CENPH: variants seen among roughly 807,000 people sequenced by gnomAD.
CENPH encodes the protein CENP-H.
CENPH carries 40 observed loss-of-function variants against 42.9 expected under a neutral mutation model. The ratio of observed to expected loss-of-function variants is 0.93; its 90% CI spans 0.72 to 1.21. CENPH has a LOEUF of 1.21. Among genes scored for constraint, CENPH ranks in the 50% most tolerant of loss-of-function variants. CENPH has a pLI of 0.00. For missense variants in CENPH, 302 were observed against 292.9 expected, an observed-to-expected ratio of 1.03 and a Z score of -0.23; for synonymous variants, 88 against 96.5, an observed-to-expected ratio of 0.91 and a Z score of 0.52.
At chr5:69,203,878 T>C (rs559811912) in intron 7 of CENPH, among the ~76,000 whole-genome samples, 5 of 150,754 alleles carry the variant, frequency 3.3e-5, no homozygotes, top group Admixed American at 6.7e-5. Flanking sequence ...TAGTAAATTA[T>C]AATGCAAAAG....
chr5:69,209,582 T>C (rs980962258), intron 8 of CENPH, 125 bp from the exon 9 acceptor site: 4 of 553,134 alleles, frequency 7.2e-6, no homozygotes, highest in East Asian at 6.1e-5. Flanking sequence ...TTTTTTCTTA[T>C]GATCACAGAG....
At chr5:69,197,990 G>A (rs1281492753) in intron 5 of CENPH, among the ~76,000 whole-genome samples, 18 of 134,518 alleles carry the variant, frequency 1.3e-4, no homozygotes, top group African/African-American at 5.1e-4. Context: ...GCACGATCTC[G>A]GCTCACTGCA....
At chr5:69,197,158 T>G (rs766755530) in intron 5 of CENPH, 49 bp downstream of exon 5, 1 of 1,179,780 alleles carries the variant, frequency 8.5e-7, no homozygotes, top group African/African-American at 1.6e-5. Flanking sequence ...ATCTGCATAG[T>G]GACTTTAGTT....
At chr5:69,193,116 AATATAT>A (rs373671258) in intron 2 of CENPH, among the ~76,000 whole-genome samples, 1 of 150,036 alleles carries the variant, frequency 6.7e-6, no homozygotes, top group Non-Finnish European at 1.5e-5. Flanking sequence ...AAACAAACAA[AATATAT>A]ATATATATAC....
At chr5:69,198,304 A>G (rs1010115085) in intron 5 of CENPH, among the ~76,000 whole-genome samples, 1 of 151,524 alleles carries the variant, frequency 6.6e-6, no homozygotes, top group Admixed American at 6.6e-5. Flanking sequence ...GCATGGGTAT[A>G]AGCACTTTTT....
chr5:69,189,847 G>A, intron 1 of CENPH, 79 bp downstream of exon 1: 1 of 1,393,818 alleles, frequency 7.2e-7, no homozygotes, highest in Non-Finnish European at 9.3e-7. Flanking sequence ...GAAGGGCTAG[G>A]GTTCGAATTC....
intron 2 of CENPH, among the ~76,000 whole-genome samples, chr5:69,193,623 C>CA: frequency 1.3e-5 from 2 of 150,144 alleles, no homozygotes; most frequent in Non-Finnish European, 3.0e-5. Context: ...CTGTCTCCCC[C>CA]AAAAAAAGAT....
At chr5:69,191,774 A>G (rs1475475605) in intron 1 of CENPH, 21 bp from the exon 2 acceptor site, 1 of 1,453,196 alleles carries the variant, frequency 6.9e-7, no homozygotes. Context: ...GTGACTTTAT[A>G]TTCTCTTTAT....
At chr5:69,198,408 G>A (rs940710680) in intron 5 of CENPH, among the ~76,000 whole-genome samples, 10 of 151,840 alleles carry the variant, frequency 6.6e-5, no homozygotes, top group African/African-American at 2.4e-4. Flanking sequence ...TCGTGCCTCA[G>A]CCTCCTGAAT....
At chr5:69,205,656 G>A (rs1748142736) in intron 7 of CENPH, among the ~76,000 whole-genome samples, 1 of 151,112 alleles carries the variant, frequency 6.6e-6, no homozygotes, top group Non-Finnish European at 1.5e-5. Flanking sequence ...TGGGACTACA[G>A]GTGCATGCCA....
intron 7 of CENPH, among the ~76,000 whole-genome samples, chr5:69,204,525 A>G (rs914421246): frequency 6.7e-6 from 1 of 149,212 alleles, no homozygotes; most frequent in Non-Finnish European, 1.5e-5. Flanking sequence ...TCTGCCCTCA[A>G]CGATCCTCCT....
chr5:69,203,544 T>A (rs1287585351), intron 7 of CENPH, among the ~76,000 whole-genome samples: 3 of 152,082 alleles, frequency 2.0e-5, no homozygotes, highest in Non-Finnish European at 4.4e-5. Flanking sequence ...TTTTCGTATT[T>A]TTTTAGTAGA....
chr5:69,208,360 G>C lies in CENPH; in HGVS notation c.651+1G>C. On this transcript the variant is annotated splice_donor_variant, in intron 8 of 8. Coordinates refer to ENST00000283006, the MANE Select transcript of CENPH (RefSeq NM_022909.4). LOFTEE classifies it high-confidence loss of function. Reference sequence around the variant, plus strand: ...TACTGTTATTCAACATGTGTTCCAGGTAACATTTATATAAACTAGCAAGAG... The same window carrying C: ...TACTGTTATTCAACATGTGTTCCAGCTAACATTTATATAAACTAGCAAGAG... The C allele has an allele frequency of 3.2e-6, 5 of 1,575,554 alleles. No individual in the cohort carries two copies. The highest frequency in any genetic ancestry group is 4.3e-6 in the Non-Finnish European group (5 of 1,151,448).
In CENPH at chr5:69,199,035, C is replaced by A. The variant is rs138728405; in HGVS notation, c.371+1926C>A. The stretch of plus-strand genomic sequence containing the variant: ...TCACATTGTTACTGAAATGTCAGGG[C>A]TTTGGTCTAGGTCCTGTTGCTTGCT... On this transcript the variant is annotated intron_variant, in intron 5 of 8. Coordinates refer to ENST00000283006, the MANE Select transcript of CENPH (RefSeq NM_022909.4). 5.3e-5 allele frequency among the ~76,000 whole-genome samples: 8 copies of A among 152,150 alleles called. No individual in the cohort carries two copies. In the East Asian group the frequency reaches 1.5e-3, roughly 29 times the overall value.
At chr5:69,195,582 G>A (rs1747950008) in intron 3 of CENPH, 135 bp from the exon 4 acceptor site, 1 of 600,370 alleles carries the variant, frequency 1.7e-6, no homozygotes, top group Non-Finnish European at 3.0e-6. Flanking sequence ...AATACACATT[G>A]GTATATTGAG....
Position 69,202,915 on chromosome 5 carries a change from A to T in CENPH, c.436-4A>T, listed in dbSNP as rs996876886. On this transcript the variant is annotated splice_polypyrimidine_tract_variant and splice_region_variant and intron_variant, in intron 6 of 8. Transcript: ENST00000283006. ...TGCTTTAACTTTTTTATTTTTAATA[A>T]CAGGAATCTTGGGATTTAGAGGAAA... The T allele has an allele frequency of 6.5e-7, 1 of 1,544,368 alleles. No individual in the cohort carries two copies. Among genetic ancestry groups the T allele is most frequent in the Non-Finnish European group, 8.9e-7 (1 of 1,123,082 alleles).
At chr5:69,195,289 C>T (rs1747946730) in intron 3 of CENPH, among the ~76,000 whole-genome samples, 1 of 152,182 alleles carries the variant, frequency 6.6e-6, no homozygotes, top group Non-Finnish European at 1.5e-5. Context: ...TGTTCTCAAA[C>T]TCCTGGCCTC....
intron 7 of CENPH, among the ~76,000 whole-genome samples, chr5:69,205,225 T>TTTGG (rs1277366504): frequency 7.3e-5 from 11 of 149,662 alleles, no homozygotes; most frequent in Non-Finnish European, 1.6e-4. Context: ...GCCAACCTTT[T>TTTGG]TTTGTTTGTT....
chr5:69,193,122 T>C (rs1747905023), intron 2 of CENPH, among the ~76,000 whole-genome samples: 1 of 151,322 alleles, frequency 6.6e-6, no homozygotes, highest in African/African-American at 2.4e-5. Context: ...ACAAAATATA[T>C]ATATATATAC....
Sources: gnomAD v4.1 joint callset for allele counts (sites outside exome capture counted in the v4.1 genomes callset) on GRCh38, gnomAD v4.1.1 for gene constraint, MANE v1.5 for transcripts, NCBI Gene and HGNC (gene_info 2026-07-23, HGNC 2026-07-21) for gene names.